Variants in SMAD2 observed in about 807,000 individuals in gnomAD.
SMAD2 encodes the protein SMAD family member 2.
In SMAD2, 8 loss-of-function variants were observed where a neutral mutation model predicts 64.4. The ratio of observed to expected loss-of-function variants is 0.12; its 90% CI spans 0.07 to 0.22. The LOEUF is 0.22. Among genes scored for constraint, SMAD2 ranks in the 10% least tolerant of loss-of-function variants. The probability of loss-of-function intolerance (pLI) is 1.00; values close to 1 mark genes in which losing one functional copy is unlikely to be tolerated. For synonymous variants in SMAD2, 203 were observed against 195.8 expected (o/e 1.04, Z -0.31); for missense variants, 289 against 561.2 (o/e 0.51, Z 4.90).
intron 10 of SMAD2, among the ~76,000 whole-genome samples, chr18:47,844,165 T>A (rs1012650325): frequency 3.3e-5 from 5 of 151,938 alleles, no homozygotes; most frequent in African/African-American, 1.2e-4. Context: ...CAGAAAAAAA[T>A]AGTGACAAGT....
intron 1 of SMAD2, among the ~76,000 whole-genome samples, chr18:47,919,224 G>A (rs927010111): frequency 6.6e-6 from 1 of 151,918 alleles, no homozygotes; most frequent in African/African-American, 2.4e-5. Flanking sequence ...TTCCAACCTA[G>A]ACTTATGTTA....
chr18:47,911,971 AAC>A (rs1273183272), intron 1 of SMAD2, among the ~76,000 whole-genome samples: 9 of 152,332 alleles, frequency 5.9e-5, no homozygotes, highest in African/African-American at 1.9e-4. Flanking sequence ...TAGAGGAGCC[AAC>A]TACAGACACC....
intron 1 of SMAD2, chr18:47,922,412 G>A (rs1288568764): frequency 6.6e-6 from 1 of 152,150 alleles, no homozygotes; most frequent in Non-Finnish European, 1.5e-5. Flanking sequence ...TGACTGTACT[G>A]AACATGTACA....
chr18:47,898,631 T>C (rs952731840), intron 1 of SMAD2, among the ~76,000 whole-genome samples: 102 of 151,338 alleles, frequency 6.7e-4, no homozygotes, highest in African/African-American at 2.5e-3. Flanking sequence ...CATAATTCCA[T>C]TATTTTGGTT....
intron 10 of SMAD2, 142 bp from the exon 11 acceptor site, chr18:47,842,092 A>T (rs971024237): frequency 1.2e-6 from 1 of 846,744 alleles, no homozygotes; most frequent in Admixed American, 2.1e-5. Context: ...ATTCCGCAAA[A>T]TGGTTGATCC....
chr18:47,928,269 AAACAAG>A (rs2034848397), intron 1 of SMAD2, among the ~76,000 whole-genome samples: 1 of 152,236 alleles, frequency 6.6e-6, no homozygotes, highest in South Asian at 2.1e-4. Context: ...AATCAAAACC[AAACAAG>A]AACAAGGAAA....
chr18:47,874,552 AAC>A (rs1306983563), intron 2 of SMAD2, among the ~76,000 whole-genome samples: 1 of 152,198 alleles, frequency 6.6e-6, no homozygotes, highest in African/African-American at 2.4e-5. Flanking sequence ...AAAAAGGAAA[AAC>A]ACAAAAGAAT....
In SMAD2 at chr18:47,824,701, A is replaced by C. The variant is rs1048656999; in HGVS notation, c.*17126T>G. On this transcript the variant is annotated 3_prime_UTR_variant, in exon 11 of 11. Transcript: ENST00000262160. ...TATCTGCTTCCAAACACACTAAAGT[A>C]CAGTATACTCAATTTTAAATATAGA... is the stretch of plus-strand genomic sequence containing the variant. 6.6e-6 allele frequency: 1 copy of C among 152,236 alleles called. No homozygotes were observed. The highest frequency in any genetic ancestry group is 1.5e-5 in the Non-Finnish European group (1 of 68,042). The allele number at this position is 152,236 out of a possible 1,614,324, so 9.4% of individuals were successfully genotyped here. A position where few individuals can be genotyped will look rare whatever the true frequency, so the allele number is the denominator to read the frequency against.
At position 47,828,408 on chromosome 18, in the gene SMAD2, C is replaced by T. The variant is rs1912853125; in HGVS notation, c.*13419G>A. ...CTGGGAAGTGAGGAGCCCCTCTGCC[C>T]GGCCGCCACCCTGTCTGGGAGGTGT... On this transcript the variant is annotated 3_prime_UTR_variant, in exon 11 of 11. Coordinates refer to ENST00000262160, the MANE Select transcript of SMAD2 (RefSeq NM_005901.6). The T allele has an allele frequency of 1.2e-5, 2 of 161,116 alleles. No individual in the cohort carries two copies. Among genetic ancestry groups the T allele is most frequent in the African/African-American group, 2.4e-5 (1 of 41,532 alleles). 10.0% of individuals were successfully genotyped at this position (161,116 alleles called of 1,614,324 possible).
At chr18:47,902,594 C>T (rs763592260) in intron 1 of SMAD2, among the ~76,000 whole-genome samples, 5 of 152,114 alleles carry the variant, frequency 3.3e-5, no homozygotes, top group Non-Finnish European at 5.9e-5. Flanking sequence ...CAACAGAAAA[C>T]GTGTCAGTTA....
rs1437377792 is a variant in SMAD2, at chr18:47,833,093, A to T, written c.*8734T>A. 5.3e-6 allele frequency: 1 copy of T among 188,882 alleles called. No homozygotes were observed. The allele number at this position is 188,882 out of a possible 1,614,324, so 11.7% of individuals were successfully genotyped here. ...TAAAACAATTAAAAATTAGTCCCAT[A>T]GTAACATGGTAAACAACTCAAATGG... On this transcript the variant is annotated 3_prime_UTR_variant, in exon 11 of 11. Coordinates refer to ENST00000262160, the MANE Select transcript of SMAD2 (RefSeq NM_005901.6).
chr18:47,870,641 T>C (rs897164977), intron 2 of SMAD2, 77 bp from the exon 3 acceptor site: 4 of 943,558 alleles, frequency 4.2e-6, no homozygotes, highest in Non-Finnish European at 7.0e-6. Flanking sequence ...ATGTAAAACA[T>C]GGAGAATGTA....
chr18:47,830,954 C>G lies in SMAD2; in HGVS notation c.*10873G>C, dbSNP rs1007308391. 6.8e-6 allele frequency: 1 copy of G among 146,268 alleles called. No individual in the cohort carries two copies. Among genetic ancestry groups the G allele is most frequent in the African/African-American group, 2.7e-5 (1 of 37,190 alleles). The allele number at this position is 146,268 out of a possible 1,614,324, so 9.1% of individuals were successfully genotyped here. On this transcript the variant is annotated 3_prime_UTR_variant, in exon 11 of 11. Coordinates refer to ENST00000262160, the MANE Select transcript of SMAD2 (RefSeq NM_005901.6). ...GAGCAAAAAAGTTAACTAAGTTTCA[C>G]TTAATACACACACACACACTAGGGT...
At chr18:47,848,418 T>C in intron 8 of SMAD2, 57 bp downstream of exon 8, 1 of 1,299,922 alleles carries the variant, frequency 7.7e-7, no homozygotes. Context: ...CACCATGCAA[T>C]GCCTACATTA....
At chr18:47,892,311 T>C (rs2144459092) in intron 2 of SMAD2, among the ~76,000 whole-genome samples, 1 of 152,110 alleles carries the variant, frequency 6.6e-6, no homozygotes, top group Admixed American at 6.5e-5. Flanking sequence ...GCAATTCTCC[T>C]GCCTCAGCCT....
chr18:47,850,145 C>T (rs1914963554), intron 7 of SMAD2, among the ~76,000 whole-genome samples: 1 of 122,556 alleles, frequency 8.2e-6, no homozygotes, highest in East Asian at 2.3e-4. Flanking sequence ...GGACCATACA[C>T]ATACACATTT....
At chr18:47,893,049 A>C (rs2033272516) in intron 2 of SMAD2, among the ~76,000 whole-genome samples, 1 of 152,180 alleles carries the variant, frequency 6.6e-6, no homozygotes, top group Non-Finnish European at 1.5e-5. Context: ...CTAAATATCA[A>C]TTGCCATTCT....
rs1278952687 is a variant in SMAD2 at position 47,836,636 on chromosome 18, T to C, written c.*5191A>G. On this transcript the variant is annotated 3_prime_UTR_variant, in exon 11 of 11. Coordinates refer to ENST00000262160, the MANE Select transcript of SMAD2 (RefSeq NM_005901.6). ...ATGTATATATAAATTCATACACATATATTATTTATTTCCTTCTTAAAAAGA... is the reference window on the plus strand; with the variant it reads ...ATGTATATATAAATTCATACACATACATTATTTATTTCCTTCTTAAAAAGA... 9.3e-6 allele frequency: 2 copies of C among 214,388 alleles called. No individual in the cohort carries two copies. Among genetic ancestry groups the C allele is most frequent in the Non-Finnish European group, 1.9e-5 (2 of 106,416 alleles). The allele number at this position is 214,388 out of a possible 1,614,324, so 13.3% of individuals were successfully genotyped here.
chr18:47,880,533 G>C (rs988851863), intron 2 of SMAD2, among the ~76,000 whole-genome samples: 1 of 152,184 alleles, frequency 6.6e-6, no homozygotes, highest in Non-Finnish European at 1.5e-5. Flanking sequence ...GAGTCTTGAA[G>C]TCAGGGTAAT....
Sources: allele counts gnomAD v4.1 joint callset (sites outside exome capture counted in the v4.1 genomes callset), GRCh38; gene constraint gnomAD v4.1.1; transcripts MANE v1.5; gene names NCBI Gene and HGNC (gene_info 2026-07-23, HGNC 2026-07-21).